The following EYS variants were observed in gnomAD, a reference collection of about 807,000 sequenced individuals.
EYS encodes EGF-like photoreceptor maintenance factor.
EYS carries 250 observed loss-of-function variants against 282.1 expected under a neutral mutation model. The ratio of observed to expected loss-of-function variants is 0.89; its 90% confidence interval spans 0.80 to 0.98. The LOEUF (loss-of-function observed/expected upper bound fraction) is 0.98, where lower values mean the gene tolerates loss of function less well. Ranked by LOEUF, EYS falls within the 50% of genes least tolerant of loss-of-function variation. The pLI is 0.00. For missense variants in EYS, 4,016 were observed against 3,709.0 expected (o/e 1.08, Z -2.15); for synonymous variants, 1,355 against 1,282.9 (o/e 1.06, Z -1.20).
intron 22 of EYS, among the ~76,000 whole-genome samples, chr6:64,724,381 G>A (rs1364129510): frequency 6.6e-6 from 1 of 152,136 alleles, no homozygotes; most frequent in Admixed American, 6.6e-5. Context: ...AGCTTTCAAC[G>A]TTAAATCACT....
At chr6:65,367,726 A>C (rs933404518) in intron 8 of EYS, among the ~76,000 whole-genome samples, 1 of 151,756 alleles carries the variant, frequency 6.6e-6, no homozygotes, top group Non-Finnish European at 1.5e-5. Context: ...GTGAGAGAAG[A>C]AGCTTATGAA....
intron 1 of EYS, among the ~76,000 whole-genome samples, chr6:65,656,928 T>C (rs905279184): frequency 6.6e-6 from 1 of 151,954 alleles, no homozygotes; most frequent in Non-Finnish European, 1.5e-5. Context: ...TGTTAGAGGC[T>C]AATGTAGCTG....
chr6:64,882,823 G>A (rs1429810610), intron 19 of EYS, among the ~76,000 whole-genome samples: 1 of 151,574 alleles, frequency 6.6e-6, no homozygotes. Flanking sequence ...AAACTTTGAT[G>A]GAGAGAAGAG....
intron 1 of EYS, among the ~76,000 whole-genome samples, chr6:65,663,829 C>T (rs71572544): frequency 0.13 from 19,837 of 149,390 alleles, 1,479 homozygotes; most frequent in South Asian, 0.29. Context: ...TACGGGCGCC[C>T]GCCACCACGC....
At chr6:65,147,956 T>G (rs960857441) in intron 12 of EYS, among the ~76,000 whole-genome samples, 3 of 151,968 alleles carry the variant, frequency 2.0e-5, no homozygotes, top group African/African-American at 7.2e-5. Flanking sequence ...CTCACTATCA[T>G]GAGGACATCA....
intron 26 of EYS, among the ~76,000 whole-genome samples, chr6:64,466,054 T>C (rs1775905784): frequency 6.6e-6 from 1 of 152,070 alleles, no homozygotes; most frequent in Admixed American, 6.6e-5. Flanking sequence ...AATGAAATAC[T>C]ACCTCATGCC....
intron 35 of EYS, among the ~76,000 whole-genome samples, chr6:63,983,601 T>C (rs1019070102): frequency 6.6e-6 from 1 of 151,848 alleles, no homozygotes; most frequent in Non-Finnish European, 1.5e-5. Context: ...GCTTTCCCCA[T>C]GAAAATACTG....
At chr6:64,575,611 T>A (rs1765857420) in intron 26 of EYS, among the ~76,000 whole-genome samples, 2 of 152,050 alleles carry the variant, frequency 1.3e-5, no homozygotes, top group South Asian at 4.1e-4. Context: ...TATGGTCAGG[T>A]ACACAGAACC....
intron 8 of EYS, among the ~76,000 whole-genome samples, chr6:65,368,335 TC>T (rs756094166): frequency 1.1e-4 from 16 of 151,706 alleles, no homozygotes; most frequent in Non-Finnish European, 2.2e-4. Flanking sequence ...CTGGTAAATT[TC>T]CTGTACATCA....
At position 65,612,484 on chromosome 6, in the gene EYS, C is replaced by A. The variant is rs544964356; in HGVS notation, c.-333+27294G>T. Among the ~76,000 whole-genome samples the A allele has an allele frequency of 5.7e-4, 87 of 151,718 alleles. 1 individual carries two copies. The highest frequency in any genetic ancestry group is 2.0e-3 in the African/African-American group (82 of 41,476). The stretch of plus-strand genomic sequence containing the variant: ...TAAACTAATTCTTGCAAGCTATAAA[C>A]TAAATTGTATTTATTAACTGCATTA... On this transcript the variant is annotated intron_variant, in intron 2 of 42. Coordinates refer to ENST00000503581, the MANE Select transcript of EYS (RefSeq NM_001142800.2).
At chr6:64,378,821 C>T (rs1772650165) in intron 29 of EYS, among the ~76,000 whole-genome samples, 1 of 152,128 alleles carries the variant, frequency 6.6e-6, no homozygotes, top group African/African-American at 2.4e-5. Context: ...ATATTACTGG[C>T]TTCATAAGAA....
At position 64,605,403 on chromosome 6, in the gene EYS, TATTTAACTCC is replaced by T. The variant is rs554856084; in HGVS notation, c.3684+12005_3684+12014del. Among the ~76,000 whole-genome samples the T allele has an allele frequency of 1.6e-4, 25 of 152,114 alleles. No homozygotes were observed. In the South Asian group the frequency reaches 4.1e-3, roughly 25 times the overall value. On this transcript the variant is annotated intron_variant, in intron 24 of 42. Transcript: ENST00000503581. ...TTTTAATTTAAATTTAAGTACTTTG[TATTTAACTCC>T]AAATAGCAAAATCAAGAAATTACTC...
At chr6:63,935,028 A>G (rs1765016015) in intron 35 of EYS, among the ~76,000 whole-genome samples, 1 of 152,186 alleles carries the variant, frequency 6.6e-6, no homozygotes. Context: ...CCCATTATCT[A>G]CTTAATAAAA....
At chr6:64,634,119 G>T (rs569216072) in intron 22 of EYS, among the ~76,000 whole-genome samples, 21 of 152,120 alleles carry the variant, frequency 1.4e-4, no homozygotes, top group Non-Finnish European at 2.4e-4. Flanking sequence ...AAGTAGCTGG[G>T]ACTACAGGTG....
intron 5 of EYS, among the ~76,000 whole-genome samples, chr6:65,456,249 G>A (rs1386267367): frequency 2.0e-5 from 3 of 151,892 alleles, no homozygotes; most frequent in East Asian, 3.9e-4. Context: ...TCAGGAGAGC[G>A]AGACCATTCT....
chr6:63,791,454 T>A (rs888419701), intron 37 of EYS, among the ~76,000 whole-genome samples: 1 of 151,990 alleles, frequency 6.6e-6, no homozygotes, highest in African/African-American at 2.4e-5. Flanking sequence ...GGCGCATGCC[T>A]GTAGTTCCAG....
At chr6:64,758,125 G>A (rs888771946) in intron 22 of EYS, among the ~76,000 whole-genome samples, 1 of 151,936 alleles carries the variant, frequency 6.6e-6, no homozygotes, top group South Asian at 2.1e-4. Context: ...CATCTAGTAC[G>A]CACGAGTTAT....
At chr6:65,580,838 C>T (rs1401629089) in intron 2 of EYS, among the ~76,000 whole-genome samples, 2 of 151,970 alleles carry the variant, frequency 1.3e-5, no homozygotes, top group African/African-American at 2.4e-5. Context: ...AGTGTCATGT[C>T]TCCCCCAGAC....
chr6:64,332,507 C>T (rs746906431), intron 29 of EYS, among the ~76,000 whole-genome samples: 2 of 152,164 alleles, frequency 1.3e-5, no homozygotes, highest in African/African-American at 2.4e-5. Flanking sequence ...ATCTTGTCTA[C>T]CTCACTGCTG....
Sources: allele counts gnomAD v4.1 joint callset (sites outside exome capture counted in the v4.1 genomes callset), GRCh38; gene constraint gnomAD v4.1.1; transcripts MANE v1.5; gene names NCBI Gene and HGNC (gene_info 2026-07-23, HGNC 2026-07-21).